The following ABCB11 variants were observed in gnomAD, a reference collection of about 807,000 sequenced individuals.
ABCB11 encodes bile salt export pump.
In ABCB11, 95 loss-of-function variants were observed where a neutral mutation model predicts 148.0. That is an observed-to-expected ratio of 0.64 (90% CI 0.54 to 0.76). ABCB11 has a LOEUF of 0.76. ABCB11 is among the 30% of genes least tolerant of loss of function. ABCB11 has a pLI of 0.00. For missense variants in ABCB11, 1,523 were observed against 1,617.8 expected (o/e 0.94, Z 1.01); for synonymous variants, 591 against 555.4 (o/e 1.06, Z -0.90).
chr2:168,975,665 T>C (rs1038231581), intron 12 of ABCB11, among the ~76,000 whole-genome samples: 4 of 134,432 alleles, frequency 3.0e-5, no homozygotes, highest in African/African-American at 1.1e-4. Flanking sequence ...TTACAAATAT[T>C]ATATTATATA....
At chr2:168,949,892 GA>G (rs956747428) in intron 19 of ABCB11, among the ~76,000 whole-genome samples, 1 of 151,246 alleles carries the variant, frequency 6.6e-6, no homozygotes, top group African/African-American at 2.4e-5. Context: ...AAAGCAAGAA[GA>G]AAAAAATGTA....
At chr2:168,991,608 T>C (rs761978836) in intron 8 of ABCB11, among the ~76,000 whole-genome samples, 29 of 152,018 alleles carry the variant, frequency 1.9e-4, no homozygotes, top group Non-Finnish European at 4.0e-4. Context: ...GAAGATCAAC[T>C]AGCTCAGAAA....
intron 7 of ABCB11, among the ~76,000 whole-genome samples, chr2:168,994,274 T>C (rs576420872): frequency 6.6e-6 from 1 of 152,264 alleles, no homozygotes; most frequent in South Asian, 2.1e-4. Flanking sequence ...ATCAATCTTG[T>C]ATAATCCCCC....
At chr2:169,027,603 A>G (rs186366137) in intron 1 of ABCB11, among the ~76,000 whole-genome samples, 2 of 152,336 alleles carry the variant, frequency 1.3e-5, no homozygotes, top group East Asian at 3.9e-4. Context: ...ACCATCAGCT[A>G]GATGGTCACT....
chr2:169,018,177 T>C (rs1048342006), intron 1 of ABCB11, 25 bp from the exon 2 acceptor site: 5 of 1,570,554 alleles, frequency 3.2e-6, no homozygotes, highest in African/African-American at 2.7e-5. Context: ...AAAAGAATCA[T>C]TGCAATTATT....
intron 10 of ABCB11, among the ~76,000 whole-genome samples, chr2:168,984,837 T>C (rs1694259726): frequency 6.6e-6 from 1 of 152,100 alleles, no homozygotes; most frequent in African/African-American, 2.4e-5. Context: ...TTCTAGAAGA[T>C]AACATTGGAA....
rs868681458 is a variant in ABCB11, at chr2:168,921,993, C to A, written c.*1629G>T. Among the ~76,000 whole-genome samples the A allele has an allele frequency of 1.3e-5, 2 of 151,698 alleles. No homozygotes were observed. Among genetic ancestry groups the A allele is most frequent in the Non-Finnish European group, 2.9e-5 (2 of 67,928 alleles). On this transcript the variant is annotated 3_prime_UTR_variant, in exon 28 of 28. Transcript: ENST00000650372. ...CCTCCTGAGTAGCTGGGACTACAGG[C>A]GCCCGCCACCACGCCCGGCTAATTT...
At chr2:169,008,009 T>C (rs1386224433) in intron 5 of ABCB11, among the ~76,000 whole-genome samples, 5 of 152,140 alleles carry the variant, frequency 3.3e-5, no homozygotes, top group Admixed American at 2.6e-4. Flanking sequence ...AAATGAAAGA[T>C]CTGAATAGAT....
downstream of ABCB11, among the ~76,000 whole-genome samples, chr2:168,918,739 A>G (rs888330452): frequency 4.6e-5 from 7 of 152,200 alleles, no homozygotes; most frequent in African/African-American, 1.4e-4. Flanking sequence ...CAATGCAGGA[A>G]GAGAAAAGTG....
chr2:168,918,718 A>G (rs1049563833), downstream of ABCB11, among the ~76,000 whole-genome samples: 2 of 152,214 alleles, frequency 1.3e-5, no homozygotes, highest in African/African-American at 4.8e-5. Context: ...TTTTTTCCAA[A>G]TGATTGTGAA....
At chr2:168,934,600 T>C (rs1319628761) in intron 23 of ABCB11, among the ~76,000 whole-genome samples, 1 of 152,190 alleles carries the variant, frequency 6.6e-6, no homozygotes, top group Non-Finnish European at 1.5e-5. Context: ...CAGCCCTCTT[T>C]GCAAGAGAGG....
intron 23 of ABCB11, among the ~76,000 whole-genome samples, chr2:168,932,885 G>A (rs181354811): frequency 2.2e-4 from 34 of 152,072 alleles, no homozygotes; most frequent in Admixed American, 4.6e-4. Flanking sequence ...CGAGGCGGGC[G>A]GATCACGAGG....
intron 27 of ABCB11, among the ~76,000 whole-genome samples, chr2:168,924,074 C>T (rs1156380893): frequency 1.3e-5 from 2 of 152,140 alleles, no homozygotes; most frequent in African/African-American, 4.8e-5. Flanking sequence ...CATAATTTTA[C>T]AATATTTGAT....
chr2:168,965,758 T>C (rs958888204), intron 17 of ABCB11, among the ~76,000 whole-genome samples: 1 of 151,900 alleles, frequency 6.6e-6, no homozygotes, highest in African/African-American at 2.4e-5. Context: ...TCACATATCT[T>C]TCTCTACCAT....
At chr2:168,919,904 G>T (rs500432), downstream of ABCB11, among the ~76,000 whole-genome samples, 93,363 of 151,702 alleles carry the variant, frequency 0.62, 29,190 homozygotes, top group East Asian at 0.92. Flanking sequence ...ACAAGGTCTT[G>T]CTCTGTTGCC....
Position 169,005,617 on chromosome 2 carries a change from A to C in ABCB11, c.389+7655T>G, listed in dbSNP as rs1329503510. 2.6e-5 allele frequency among the ~76,000 whole-genome samples: 4 copies of C among 152,164 alleles called. No individual in the cohort carries two copies. The East Asian group carries it at 7.7e-4, about 29-fold the overall frequency. ...GTGACCAGGGCTGAAAATTTGCCCC[A>C]GACCACAAGCCTCCCCATTGAGAAA... On this transcript the variant is annotated intron_variant, in intron 5 of 27. Transcript: ENST00000650372.
At chr2:168,982,119 T>A (rs1044809698) in intron 10 of ABCB11, among the ~76,000 whole-genome samples, 1 of 152,038 alleles carries the variant, frequency 6.6e-6, no homozygotes, top group African/African-American at 2.4e-5. Flanking sequence ...AGAAGTAGTG[T>A]AGACAGAGAG....
chr2:168,964,686 C>G (rs1177343306), intron 17 of ABCB11, among the ~76,000 whole-genome samples: 1 of 151,830 alleles, frequency 6.6e-6, no homozygotes, highest in African/African-American at 2.4e-5. Flanking sequence ...CTTTACTTTC[C>G]TTCTGGCTTA....
chr2:168,938,512 T>C (rs934876291), intron 21 of ABCB11, among the ~76,000 whole-genome samples: 3 of 152,042 alleles, frequency 2.0e-5, no homozygotes, highest in African/African-American at 7.2e-5. Flanking sequence ...TTGCTGGGGC[T>C]GAGGGGAGGG....
Sources: allele counts gnomAD v4.1 joint callset (sites outside exome capture counted in the v4.1 genomes callset), GRCh38; gene constraint gnomAD v4.1.1; transcripts MANE v1.5; gene names NCBI Gene and HGNC (gene_info 2026-07-23, HGNC 2026-07-21).